Variants in PRKCB observed in about 807,000 individuals in gnomAD.
The protein encoded by PRKCB is protein kinase C beta.
Under a neutral mutation model 81.5 loss-of-function variants are expected in PRKCB, and 13 were observed. That is an observed-to-expected ratio of 0.16 (90% confidence interval 0.10 to 0.25). The LOEUF (loss-of-function observed/expected upper bound fraction) is 0.25. PRKCB is among the 10% of genes least tolerant of loss of function. The pLI, the probability that PRKCB is intolerant of heterozygous loss-of-function variation, is 1.00. For synonymous variants in PRKCB, 335 were observed against 321.4 expected (o/e 1.04, Z -0.45); for missense variants, 509 against 875.7 (o/e 0.58, Z 5.29).
At chr16:24,066,376 C>T (rs944606942) in intron 5 of PRKCB, among the ~76,000 whole-genome samples, 1 of 152,158 alleles carries the variant, frequency 6.6e-6, no homozygotes, top group Admixed American at 6.6e-5. Context: ...TGCCTTCTAA[C>T]TGCTTCCAAT....
intron 5 of PRKCB, among the ~76,000 whole-genome samples, chr16:24,062,252 C>T (rs530432584): frequency 6.6e-6 from 1 of 152,196 alleles, no homozygotes; most frequent in African/African-American, 2.4e-5. Flanking sequence ...GAGGCCCTCA[C>T]TCTCACATCT....
At chr16:24,207,588 T>G (rs1230788820) in intron 16 of PRKCB, among the ~76,000 whole-genome samples, 1 of 152,234 alleles carries the variant, frequency 6.6e-6, no homozygotes, top group African/African-American at 2.4e-5. Flanking sequence ...TTTTAATTTT[T>G]AAGAATGTTT....
chr16:24,182,559 C>G (rs534053962), intron 13 of PRKCB, among the ~76,000 whole-genome samples: 1 of 152,236 alleles, frequency 6.6e-6, no homozygotes, highest in South Asian at 2.1e-4. Flanking sequence ...TGTTTCCACA[C>G]TTTTAAAGTA....
At chr16:24,055,945 A>T (rs74013110) in intron 5 of PRKCB, among the ~76,000 whole-genome samples, 4,221 of 152,232 alleles carry the variant, frequency 0.028, 194 homozygotes, top group African/African-American at 0.096. Context: ...GTCTCCATTG[A>T]CAAAAGGGGA....
chr16:23,897,207 A>G (rs780997058), intron 2 of PRKCB, among the ~76,000 whole-genome samples: 2 of 152,206 alleles, frequency 1.3e-5, no homozygotes, highest in Admixed American at 6.5e-5. Context: ...GGGAAGGCAC[A>G]CGTGCTGTGC....
intron 5 of PRKCB, among the ~76,000 whole-genome samples, chr16:24,060,889 G>A (rs555375807): frequency 9.9e-5 from 15 of 152,198 alleles, no homozygotes; most frequent in African/African-American, 2.9e-4. Flanking sequence ...CTGAGAAGCC[G>A]CCTGCATACA....
intron 5 of PRKCB, among the ~76,000 whole-genome samples, chr16:24,037,142 C>T (rs1359538140): frequency 1.3e-5 from 2 of 152,122 alleles, no homozygotes; most frequent in Admixed American, 6.5e-5. Flanking sequence ...GCGCCCACCA[C>T]CACGCCTGGC....
intron 3 of PRKCB, among the ~76,000 whole-genome samples, chr16:24,015,822 G>A (rs1965270891): frequency 6.6e-6 from 1 of 152,164 alleles, no homozygotes; most frequent in African/African-American, 2.4e-5. Flanking sequence ...GTGACTAAAT[G>A]GTTAAATAAG....
chr16:23,890,470 C>G (rs142821765), intron 2 of PRKCB, among the ~76,000 whole-genome samples: 1 of 152,226 alleles, frequency 6.6e-6, no homozygotes, highest in Admixed American at 6.5e-5. Flanking sequence ...CAAGGAGAGA[C>G]GCTCCCTGGG....
chr16:23,948,284 T>C (rs576003635), intron 2 of PRKCB, among the ~76,000 whole-genome samples: 1 of 152,320 alleles, frequency 6.6e-6, no homozygotes, highest in East Asian at 1.9e-4. Flanking sequence ...TGTGTCCTAA[T>C]TGGATTCTCA....
chr16:24,002,631 G>A (rs117457022), intron 3 of PRKCB, among the ~76,000 whole-genome samples: 3 of 152,048 alleles, frequency 2.0e-5, no homozygotes, highest in African/African-American at 7.2e-5. Flanking sequence ...GAGCCACTGC[G>A]CCTGGCCAGC....
At chr16:24,004,535 G>C (rs1356076968) in intron 3 of PRKCB, among the ~76,000 whole-genome samples, 1 of 150,718 alleles carries the variant, frequency 6.6e-6, no homozygotes, top group African/African-American at 2.4e-5. Context: ...TGCACCTGTA[G>C]TCCCAGCTAC....
chr16:24,096,666 A>AAAAATATAT (rs1406204037), intron 7 of PRKCB, among the ~76,000 whole-genome samples: 2 of 32,702 alleles, frequency 6.1e-5, no homozygotes, highest in African/African-American at 9.7e-5. Context: ...AAAAAAAAAA[A>AAAAATATAT]ATATATATAT....
chr16:24,078,229 G>A (rs145220937), intron 5 of PRKCB, among the ~76,000 whole-genome samples: 7 of 152,298 alleles, frequency 4.6e-5, no homozygotes, highest in Admixed American at 1.3e-4. Flanking sequence ...GTCTGCAGCC[G>A]CTGCAGCGTG....
intron 16 of PRKCB, among the ~76,000 whole-genome samples, chr16:24,201,249 T>C (rs1276254046): frequency 2.0e-5 from 3 of 152,186 alleles, no homozygotes; most frequent in African/African-American, 4.8e-5. Flanking sequence ...TGGTTTCAAA[T>C]AGGAATCTGA....
intron 7 of PRKCB, among the ~76,000 whole-genome samples, chr16:24,095,771 G>A (rs555285301): frequency 6.6e-6 from 1 of 152,138 alleles, no homozygotes; most frequent in East Asian, 1.9e-4. Context: ...CATTGGTTAC[G>A]AGAAATGCAA....
rs564543744 is a variant in PRKCB, at chr16:24,162,442, CTTT to C, written c.1239+7607_1239+7609del. ...AATAGCTCCAAAAAAACAGAGAAGA[CTTT>C]TTTTTTTTTTTTTTTTTTTTTGAGA... On this transcript the variant is annotated intron_variant, in intron 10 of 16. Transcript: ENST00000643927. Among the ~76,000 whole-genome samples the C allele has an allele frequency of 6.1e-3, 419 of 68,560 alleles. 2 individuals are homozygous for C. The highest frequency in any genetic ancestry group is 0.021 in the African/African-American group (392 of 18,474). The allele number at this position is 68,560 out of a possible 152,430, so 45.0% of individuals were successfully genotyped here. A position where few individuals can be genotyped will look rare whatever the true frequency, so the allele number is the denominator to read the frequency against.
chr16:24,119,351 C>G (rs546500862), intron 8 of PRKCB, among the ~76,000 whole-genome samples: 1 of 151,870 alleles, frequency 6.6e-6, no homozygotes, highest in African/African-American at 2.4e-5. Flanking sequence ...CCCACCCCCC[C>G]AAAAAAGTCC....
At chr16:23,905,679 A>G (rs1161054672) in intron 2 of PRKCB, among the ~76,000 whole-genome samples, 2 of 152,184 alleles carry the variant, frequency 1.3e-5, no homozygotes, top group African/African-American at 2.4e-5. Flanking sequence ...TGTGCAACCT[A>G]TGGATATCTT....
Sources: allele counts gnomAD v4.1 joint callset (sites outside exome capture counted in the v4.1 genomes callset), GRCh38; gene constraint gnomAD v4.1.1; transcripts MANE v1.5; gene names NCBI Gene and HGNC (gene_info 2026-07-23, HGNC 2026-07-21).